CD200R1L: variants seen among roughly 807,000 people sequenced by gnomAD.
CD200R1L encodes the protein CD200 receptor 1 like, also known as cell surface glycoprotein CD200 receptor 2.
Under a neutral mutation model 24.8 loss-of-function variants are expected in CD200R1L, and 14 were observed. The ratio of observed to expected loss-of-function variants is 0.56; its 90% confidence interval spans 0.37 to 0.88. The LOEUF is 0.88. Among genes scored for constraint, CD200R1L ranks in the 40% least tolerant of loss-of-function variants. The pLI is 0.00. For synonymous variants in CD200R1L, 111 were observed against 109.2 expected, an observed-to-expected ratio of 1.02 and a Z score of -0.11; for missense variants, 299 against 297.8, an observed-to-expected ratio of 1.00 and a Z score of -0.03.
In CD200R1L at chr3:112,819,844, A is replaced by G. The variant is rs201532373; in HGVS notation, c.668T>C (p.Val223Ala). 1.9e-6 allele frequency: 3 copies of G among 1,611,454 alleles called. No individual in the cohort carries two copies. Among genetic ancestry groups the G allele is most frequent in the South Asian group, 1.1e-5 (1 of 90,446 alleles). ...AATGACCACAAAAAGAGAGAGTTTCACATAAAGAATGATCAGTAAGGACAA... is the reference window on the plus strand; with the variant it reads ...AATGACCACAAAAAGAGAGAGTTTCGCATAAAGAATGATCAGTAAGGACAA... Reference protein sequence around the residue: ...PALSLLIILYVKLSLFVVILV... With the variant: ...PALSLLIILYAKLSLFVVILV... The change falls in exon 7 of 8, where the codon GTG becomes GCG. Residue 223 changes from valine to alanine, a missense_variant. Transcript: ENST00000488794.
chr3:112,830,400 C>T (rs1938767479), intron 3 of CD200R1L, among the ~76,000 whole-genome samples: 2 of 151,784 alleles, frequency 1.3e-5, no homozygotes, highest in African/African-American at 4.8e-5. Context: ...TACCATTATT[C>T]ACCTGTAATA....
At chr3:112,841,549 C>T (rs939348602) in intron 2 of CD200R1L, among the ~76,000 whole-genome samples, 3 of 152,184 alleles carry the variant, frequency 2.0e-5, no homozygotes, top group African/African-American at 4.8e-5. Flanking sequence ...GCAGTCATCG[C>T]CAAGGTTTGC....
intron 2 of CD200R1L, among the ~76,000 whole-genome samples, chr3:112,842,009 A>G (rs1939093895): frequency 6.6e-6 from 1 of 152,224 alleles, no homozygotes; most frequent in South Asian, 2.1e-4. Flanking sequence ...GTAAGGGTTT[A>G]GCCTGTTGGC....
intron 3 of CD200R1L, 78 bp from the exon 4 acceptor site, chr3:112,829,462 T>C: frequency 7.2e-7 from 1 of 1,398,168 alleles, no homozygotes; most frequent in Non-Finnish European, 1.0e-6. Flanking sequence ...CCCACAGTCT[T>C]ACTCAACATG....
intron 7 of CD200R1L, among the ~76,000 whole-genome samples, chr3:112,817,502 T>C (rs1417709546): frequency 6.6e-6 from 1 of 152,156 alleles, no homozygotes; most frequent in African/African-American, 2.4e-5. Flanking sequence ...TAACATCCTC[T>C]ATTCTGTCTC....
At chr3:112,830,763 C>T (rs1236822398) in intron 3 of CD200R1L, among the ~76,000 whole-genome samples, 2 of 151,886 alleles carry the variant, frequency 1.3e-5, no homozygotes, top group Non-Finnish European at 2.9e-5. Flanking sequence ...TAAAACCCTT[C>T]TTTTTCTTAA....
chr3:112,820,492 G>A (rs59605548), intron 6 of CD200R1L, among the ~76,000 whole-genome samples: 2,142 of 152,040 alleles, frequency 0.014, 43 homozygotes, highest in African/African-American at 0.046. Context: ...GTGCAGCGGC[G>A]CAATCTCGGC....
chr3:112,825,379 C>A, intron 6 of CD200R1L, among the ~76,000 whole-genome samples: 1 of 148,838 alleles, frequency 6.7e-6, no homozygotes, highest in Non-Finnish European at 1.5e-5. Context: ...TATTAAAAAG[C>A]TAATAAAATA....
rs747535826 is a variant in CD200R1L at position 112,827,056 on chromosome 3, T to G, written c.553A>C (p.Thr185Pro). The G allele has an allele frequency of 2.5e-6, 4 of 1,602,636 alleles. No homozygotes were observed. The South Asian group carries it at 4.4e-5, about 18-fold the overall frequency. The change falls in exon 6 of 8, where the codon ACT (threonine) becomes CCT (proline). Residue 185 changes from threonine (T) to proline (P), a missense_variant. By Grantham distance (38) the Thr-to-Pro change is conservative. Transcript: ENST00000488794. ...AAATGGGAGACATGGCAGGTCACAG[T>G]AGACTTGTGGCCCTCCCAGGGGCAT... The part of the protein sequence containing the change: ...STCPWEGHKS[T>P]VTCHVSHLTG...
At chr3:112,839,806 A>C (rs1358670547) in intron 2 of CD200R1L, among the ~76,000 whole-genome samples, 1 of 152,182 alleles carries the variant, frequency 6.6e-6, no homozygotes, top group African/African-American at 2.4e-5. Flanking sequence ...CCCCTGTTTG[A>C]AGTGGTTAAT....
rs781356900 is a variant in CD200R1L, at chr3:112,819,824, C to A, written c.688G>T (p.Val230Phe). ...ACAAATCCTGTGGTGACCAGAATGA[C>A]CACAAAAAGAGAGAGTTTCACATAA... ...ILYVKLSLFV[V>F]ILVTTGFVFF... is the part of the protein sequence containing the mutation. Residue 230 changes from valine to phenylalanine, a missense_variant, in exon 7 of 8, where the codon GTC (valine) becomes TTC (phenylalanine). Coordinates refer to ENST00000488794, the MANE Select transcript of CD200R1L (RefSeq NM_001199215.3). 6.2e-7 allele frequency: 1 copy of A among 1,610,998 alleles called. No homozygotes were observed. Among genetic ancestry groups the A allele is most frequent in the Admixed American group, 1.7e-5 (1 of 59,474 alleles).
chr3:112,833,553 T>C (rs1464270044), intron 3 of CD200R1L, among the ~76,000 whole-genome samples: 2 of 152,162 alleles, frequency 1.3e-5, no homozygotes, highest in African/African-American at 2.4e-5. Flanking sequence ...CTGCATACTA[T>C]TAGACCCAAC....
At chr3:112,837,917 G>C (rs947035054) in intron 3 of CD200R1L, 25 bp downstream of exon 3, 75 of 1,054,424 alleles carry the variant, frequency 7.1e-5, no homozygotes, top group Middle Eastern at 2.4e-4. Flanking sequence ...CATCAAACTG[G>C]TTATTAAGTA....
chr3:112,825,647 A>G (rs1490163436), intron 6 of CD200R1L, among the ~76,000 whole-genome samples: 1 of 152,054 alleles, frequency 6.6e-6, no homozygotes, highest in Non-Finnish European at 1.5e-5. Flanking sequence ...GGATATGAGT[A>G]GAAGCCAAGA....
chr3:112,844,033 G>C (rs1368349613), intron 2 of CD200R1L, among the ~76,000 whole-genome samples: 2 of 152,170 alleles, frequency 1.3e-5, no homozygotes, highest in Non-Finnish European at 2.9e-5. Context: ...GCCTGACATT[G>C]GAGCACTCAG....
chr3:112,835,259 T>G (rs1938909630), intron 3 of CD200R1L, among the ~76,000 whole-genome samples: 1 of 152,232 alleles, frequency 6.6e-6, no homozygotes, highest in African/African-American at 2.4e-5. Context: ...AGCCAGGGTG[T>G]CCTGATGAGT....
chr3:112,840,625 T>C (rs889212498), intron 2 of CD200R1L, among the ~76,000 whole-genome samples: 2 of 152,198 alleles, frequency 1.3e-5, no homozygotes, highest in African/African-American at 4.8e-5. Context: ...TTCATTTGTT[T>C]AGTGACCTTA....
chr3:112,825,311 C>T (rs1938633295), intron 6 of CD200R1L, among the ~76,000 whole-genome samples: 1 of 149,414 alleles, frequency 6.7e-6, no homozygotes, highest in Admixed American at 6.7e-5. Context: ...AAGCACTTAA[C>T]ACTTTTGAAG....
chr3:112,834,985 G>T (rs1246765645), intron 3 of CD200R1L, among the ~76,000 whole-genome samples: 1 of 152,210 alleles, frequency 6.6e-6, no homozygotes, highest in East Asian at 1.9e-4. Context: ...GGAGCTCCTA[G>T]GTCTGGGCTC....
Sources: gnomAD v4.1 joint callset for allele counts (sites outside exome capture counted in the v4.1 genomes callset) on GRCh38, gnomAD v4.1.1 for gene constraint, MANE v1.5 for transcripts, NCBI Gene and HGNC (gene_info 2026-07-23, HGNC 2026-07-21) for gene names.